DCLK2: variants seen among roughly 807,000 people sequenced by gnomAD.
DCLK2 encodes serine/threonine-protein kinase DCLK2.
DCLK2 carries 31 observed loss-of-function variants against 78.4 expected under a neutral mutation model. The observed-to-expected ratio is 0.40, with a 90% CI of 0.30 to 0.53. DCLK2 has a LOEUF of 0.53. Among genes scored for constraint, DCLK2 ranks in the 20% least tolerant of loss-of-function variants. DCLK2 has a pLI of 0.61. For missense variants in DCLK2, 872 were observed against 973.7 expected, an observed-to-expected ratio of 0.90 and a Z score of 1.39; for synonymous variants, 407 against 374.9, an observed-to-expected ratio of 1.09 and a Z score of -0.99.
At chr4:150,180,299 TG>T (rs910172671) in intron 2 of DCLK2, among the ~76,000 whole-genome samples, 127 of 152,316 alleles carry the variant, frequency 8.3e-4, no homozygotes, top group African/African-American at 2.8e-3. Context: ...GGTAGTTTCC[TG>T]GGAGTTACGT....
At chr4:150,187,687 A>G (rs1181833188) in intron 2 of DCLK2, among the ~76,000 whole-genome samples, 5 of 152,232 alleles carry the variant, frequency 3.3e-5, no homozygotes, top group Admixed American at 2.0e-4. Flanking sequence ...TGCCTGGCAC[A>G]TAATGAGTGC....
chr4:150,203,965 TG>T, intron 5 of DCLK2, 76 bp downstream of exon 5: 1 of 1,390,776 alleles, frequency 7.2e-7, no homozygotes, highest in Non-Finnish European at 1.0e-6. Flanking sequence ...TTAATTTGTT[TG>T]GGGGCTTGAG....
chr4:150,229,164 AC>A (rs1220767682), intron 8 of DCLK2, among the ~76,000 whole-genome samples: 2 of 151,738 alleles, frequency 1.3e-5, no homozygotes, highest in Admixed American at 1.3e-4. Flanking sequence ...ATATAGTGAG[AC>A]CCCATTTCTG....
chr4:150,210,974 A>G (rs1017692880), intron 5 of DCLK2, among the ~76,000 whole-genome samples: 11 of 151,928 alleles, frequency 7.2e-5, no homozygotes, highest in Non-Finnish European at 1.3e-4. Context: ...GAAAGAAAGA[A>G]AAAGGTTATC....
At chr4:150,190,137 G>A (rs571343349) in intron 2 of DCLK2, among the ~76,000 whole-genome samples, 1 of 151,094 alleles carries the variant, frequency 6.6e-6, no homozygotes, top group East Asian at 1.9e-4. Context: ...GGAGGTTGTG[G>A]CTGCACAGTG....
At chr4:150,221,534 TC>T in intron 6 of DCLK2, 142 bp from the exon 7 acceptor site, 1 of 533,714 alleles carries the variant, frequency 1.9e-6, no homozygotes. Context: ...GGTGTTCTAT[TC>T]AGGAAATGTG....
intron 2 of DCLK2, among the ~76,000 whole-genome samples, chr4:150,138,674 T>TTC (rs78658812): frequency 6.6e-6 from 1 of 151,546 alleles, no homozygotes; most frequent in African/African-American, 2.4e-5. Context: ...GGGACTCTTA[T>TTC]TCTTTTTTTT....
chr4:150,179,097 G>T (rs986175897), intron 2 of DCLK2, among the ~76,000 whole-genome samples: 2 of 151,882 alleles, frequency 1.3e-5, no homozygotes, highest in South Asian at 4.2e-4. Context: ...GCGCGATCTC[G>T]GCTCACTGCA....
intron 2 of DCLK2, among the ~76,000 whole-genome samples, chr4:150,105,120 T>C: frequency 6.6e-6 from 1 of 152,114 alleles, no homozygotes. Flanking sequence ...CCAGGTGTGT[T>C]AGAAATATAG....
intron 2 of DCLK2, among the ~76,000 whole-genome samples, chr4:150,180,346 A>G (rs1737418802): frequency 6.6e-6 from 1 of 152,156 alleles, no homozygotes; most frequent in African/African-American, 2.4e-5. Flanking sequence ...TAGGTATTCC[A>G]TGCTTGTTCC....
At position 150,234,939 on chromosome 4, in the gene DCLK2, G is replaced by C. The variant is rs142925966; in HGVS notation, c.1566+2111G>C. 4.5e-3 allele frequency among the ~76,000 whole-genome samples: 684 copies of C among 152,248 alleles called. 12 individuals are homozygous for C. Among genetic ancestry groups the C allele is most frequent in the African/African-American group, 0.016 (649 of 41,526 alleles). ...TCCACCGTCGAACTGAGTTTGGCCC[G>C]GGCTTCGCAAACAAAGGCACAGGGC... On this transcript the variant is annotated intron_variant, in intron 10 of 15. Transcript: ENST00000296550.
chr4:150,253,015 G>T (rs532064705), intron 15 of DCLK2, among the ~76,000 whole-genome samples: 3 of 152,282 alleles, frequency 2.0e-5, no homozygotes, highest in South Asian at 2.1e-4. Context: ...CTCCCCTGGC[G>T]CAGGACCTGG....
intron 2 of DCLK2, among the ~76,000 whole-genome samples, chr4:150,140,363 C>G (rs1734030521): frequency 2.8e-5 from 4 of 140,918 alleles, no homozygotes; most frequent in Admixed American, 7.5e-5. Flanking sequence ...TAGGCCTCCC[C>G]CAGCAAGCAT....
intron 10 of DCLK2, among the ~76,000 whole-genome samples, chr4:150,234,767 A>AGG (rs1433186922): frequency 1.4e-4 from 20 of 146,788 alleles, no homozygotes; most frequent in African/African-American, 3.2e-4. Context: ...AAAAAAAAAA[A>AGG]GGGGGATTGT....
At chr4:150,153,294 G>A (rs1735021451) in intron 2 of DCLK2, among the ~76,000 whole-genome samples, 1 of 152,164 alleles carries the variant, frequency 6.6e-6, no homozygotes, top group Admixed American at 6.5e-5. Context: ...GGTGCTGAAG[G>A]CAGTGAGAAG....
chr4:150,213,999 AT>A (rs1740500498), intron 5 of DCLK2, among the ~76,000 whole-genome samples: 1 of 152,230 alleles, frequency 6.6e-6, no homozygotes, highest in South Asian at 2.1e-4. Context: ...TCACAGGTCA[AT>A]GGAGATGATG....
chr4:150,166,597 G>A (rs984314544), intron 2 of DCLK2, among the ~76,000 whole-genome samples: 9 of 152,304 alleles, frequency 5.9e-5, no homozygotes, highest in African/African-American at 1.9e-4. Context: ...CTTTGAAGGG[G>A]TGAAGTTCTG....
Position 150,078,975 on chromosome 4 carries a change from C to G in DCLK2, c.-53C>G, listed in dbSNP as rs1729020865. On this transcript the variant is annotated 5_prime_UTR_variant, in exon 1 of 16. Transcript: ENST00000296550. ...TCAGACGTCCCTGCACCGGCGCTCGCACCCTTAGTCGGCCCGGAACGTCTT... is the reference window on the plus strand; with the variant it reads ...TCAGACGTCCCTGCACCGGCGCTCGGACCCTTAGTCGGCCCGGAACGTCTT... 10 of 1,484,884 alleles carry G rather than the reference C, an allele frequency of 6.7e-6. No individual in the cohort carries two copies. The highest frequency in any genetic ancestry group is 8.0e-6 in the Non-Finnish European group (9 of 1,119,132). The allele number at this position is 1,484,884 out of a possible 1,614,324, so 92.0% of individuals were successfully genotyped here.
chr4:150,134,586 AT>A (rs1389232974), intron 2 of DCLK2, among the ~76,000 whole-genome samples: 1 of 152,046 alleles, frequency 6.6e-6, no homozygotes, highest in African/African-American at 2.4e-5. Flanking sequence ...TACAATTTTG[AT>A]TTTTTTCTTT....
Sources: gnomAD v4.1 joint callset for allele counts (sites outside exome capture counted in the v4.1 genomes callset) on GRCh38, gnomAD v4.1.1 for gene constraint, MANE v1.5 for transcripts, NCBI Gene and HGNC (gene_info 2026-07-23, HGNC 2026-07-21) for gene names.